The following COL23A1 variants were observed in gnomAD, a reference collection of about 807,000 sequenced individuals.
COL23A1 encodes the protein collagen type XXIII alpha 1 chain, also known as collagen alpha-1(XXIII) chain.
COL23A1 carries 97 observed loss-of-function variants against 99.3 expected under a neutral mutation model. That is an observed-to-expected ratio of 0.98 (90% CI 0.83 to 1.16). The LOEUF (loss-of-function observed/expected upper bound fraction) is 1.16. COL23A1 is among the 50% of genes most tolerant of loss of function. The pLI, the probability that COL23A1 is intolerant of heterozygous loss-of-function variation, is 0.00. For missense variants in COL23A1, 762 were observed against 757.4 expected, an observed-to-expected ratio of 1.01 and a Z score of -0.07; for synonymous variants, 320 against 308.2, an observed-to-expected ratio of 1.04 and a Z score of -0.40.
chr5:178,558,607 C>T (rs1762400259), intron 2 of COL23A1, among the ~76,000 whole-genome samples: 2 of 152,080 alleles, frequency 1.3e-5, no homozygotes, highest in South Asian at 2.1e-4. Context: ...ACCCACTAAA[C>T]GGATTTGGTG....
rs200514215 is a variant in COL23A1 at position 178,256,915 on chromosome 5, C to A, written c.788G>T (p.Ser263Ile). 244 of 1,613,596 alleles carry A rather than the reference C, an allele frequency of 1.5e-4. No individual in the cohort carries two copies. Among genetic ancestry groups the A allele is most frequent in the Non-Finnish European group, 2.0e-4 (236 of 1,179,860 alleles). ...ACCGTTCTCTCCCCGAGGCCCCATG[C>A]TCCCTGGCTCGCCCTGAAACAGACA... ...GPPGPKGEPGSMGPRGENGVD... is the reference protein window; with the variant it reads ...GPPGPKGEPGIMGPRGENGVD... The change falls in exon 14 of 29, where the codon AGC (serine) becomes ATC (isoleucine). Residue 263 changes from serine (S) to isoleucine (I), a missense_variant. By Grantham distance (142) the Ser-to-Ile change is moderately radical. Coordinates refer to ENST00000390654, the MANE Select transcript of COL23A1 (RefSeq NM_173465.4).
intron 2 of COL23A1, among the ~76,000 whole-genome samples, chr5:178,558,865 T>C (rs969251733): frequency 1.3e-5 from 2 of 151,946 alleles, no homozygotes; most frequent in South Asian, 2.1e-4. Context: ...CTCGGCTCAC[T>C]GCAACCTCCA....
rs558411547 is a variant in COL23A1 at position 178,511,991 on chromosome 5, C to T, written c.361+48691G>A. Among the ~76,000 whole-genome samples the T allele has an allele frequency of 9.2e-5, 14 of 152,292 alleles. 1 individual carries two copies. The South Asian group carries it at 2.9e-3, about 32-fold the overall frequency. ...ATTTCGTAACTATCTTTTTGGACGG[C>T]CATTTGGAAATACTAAGTGTAACTG... On this transcript the variant is annotated intron_variant, in intron 2 of 28. Transcript: ENST00000390654.
At chr5:178,529,031 G>A (rs1242950738) in intron 2 of COL23A1, among the ~76,000 whole-genome samples, 2 of 152,210 alleles carry the variant, frequency 1.3e-5, no homozygotes, top group Non-Finnish European at 2.9e-5. Flanking sequence ...CTATGGCCTC[G>A]CAGGGCTGGG....
rs908681467 is a variant in COL23A1 at position 178,310,530 on chromosome 5, G to C, written c.362-3611C>G. 6.6e-6 allele frequency among the ~76,000 whole-genome samples: 1 copy of C among 152,210 alleles called. No homozygotes were observed. Among genetic ancestry groups the C allele is most frequent in the Non-Finnish European group, 1.5e-5 (1 of 68,040 alleles). ...ACTCTGGGGCTAAGCCAGGTGAAGG[G>C]GCCCACCTAAGGCTGTGTTGCTAGA... On this transcript the variant is annotated intron_variant, in intron 2 of 28. Transcript: ENST00000390654. The surrounding 1 kb of genome is among the most constrained non-coding windows in gnomAD (Gnocchi z 4.3).
chr5:178,427,054 G>A (rs1468044955), intron 2 of COL23A1, among the ~76,000 whole-genome samples: 1 of 152,180 alleles, frequency 6.6e-6, no homozygotes, highest in African/African-American at 2.4e-5. Flanking sequence ...AAAAAAATTA[G>A]CCAGGCATGG....
At chr5:178,503,628 G>A (rs542766955) in intron 2 of COL23A1, among the ~76,000 whole-genome samples, 129 of 152,218 alleles carry the variant, frequency 8.5e-4, no homozygotes, top group Non-Finnish European at 1.6e-3. Context: ...GTATGTAAAC[G>A]CATGTGTGTG....
chr5:178,406,849 T>A (rs1316377060), intron 2 of COL23A1, among the ~76,000 whole-genome samples: 1 of 152,224 alleles, frequency 6.6e-6, no homozygotes, highest in African/African-American at 2.4e-5. Flanking sequence ...AGATTAAGAA[T>A]TTAAAATGTT....
intron 2 of COL23A1, among the ~76,000 whole-genome samples, chr5:178,546,707 C>A (rs913954798): frequency 2.6e-5 from 4 of 152,202 alleles, no homozygotes; most frequent in Admixed American, 6.5e-5. Context: ...AGGTTTCTGC[C>A]ACAGCCAGTC....
chr5:178,319,217 C>A (rs1759148378), intron 2 of COL23A1, among the ~76,000 whole-genome samples: 1 of 152,184 alleles, frequency 6.6e-6, no homozygotes, highest in African/African-American at 2.4e-5. Context: ...AGCCTGTCAT[C>A]TCCTGGGATC....
chr5:178,289,604 C>G (rs1309821580), intron 4 of COL23A1, among the ~76,000 whole-genome samples: 1 of 152,214 alleles, frequency 6.6e-6, no homozygotes, highest in Non-Finnish European at 1.5e-5. Context: ...GTCTAGTGGT[C>G]AAGCCCGACT....
chr5:178,545,331 C>T (rs118035878), intron 2 of COL23A1, among the ~76,000 whole-genome samples: 1 of 152,112 alleles, frequency 6.6e-6, no homozygotes, highest in South Asian at 2.1e-4. Context: ...AGGTTCCGCA[C>T]GAGGCTACTT....
At chr5:178,465,970 T>C (rs1251180563) in intron 2 of COL23A1, among the ~76,000 whole-genome samples, 1 of 152,010 alleles carries the variant, frequency 6.6e-6, no homozygotes, top group Non-Finnish European at 1.5e-5. Flanking sequence ...AGCCTCGGGG[T>C]GAGTGCACCT....
At chr5:178,258,742 T>C (rs748742374) in intron 12 of COL23A1, among the ~76,000 whole-genome samples, 28 of 152,030 alleles carry the variant, frequency 1.8e-4, no homozygotes, top group Admixed American at 7.9e-4. Context: ...TTATCCAGGC[T>C]GGAGTGCAGT....
chr5:178,357,330 CG>C (rs1374528119), intron 2 of COL23A1, among the ~76,000 whole-genome samples: 1 of 152,066 alleles, frequency 6.6e-6, no homozygotes, highest in Non-Finnish European at 1.5e-5. Flanking sequence ...TTCTGTGAGC[CG>C]GCGGAAGTGC....
At chr5:178,411,396 C>G (rs1053347841) in intron 2 of COL23A1, among the ~76,000 whole-genome samples, 1 of 151,964 alleles carries the variant, frequency 6.6e-6, no homozygotes, top group East Asian at 1.9e-4. Flanking sequence ...AACCCAAATG[C>G]CCATCAAAAG....
chr5:178,295,788 A>T (rs1469394530), intron 3 of COL23A1, among the ~76,000 whole-genome samples: 1 of 152,258 alleles, frequency 6.6e-6, no homozygotes, highest in Non-Finnish European at 1.5e-5. Flanking sequence ...CAGCCATGAA[A>T]AAGGTAATGT....
rs78371180 is a variant in COL23A1 at position 178,511,898 on chromosome 5, A to T, written c.361+48784T>A. 1.6e-3 allele frequency among the ~76,000 whole-genome samples: 246 copies of T among 152,296 alleles called. No homozygotes were observed. The East Asian group carries it at 0.029, about 18-fold the overall frequency. On this transcript the variant is annotated intron_variant, in intron 2 of 28. Coordinates refer to ENST00000390654, the MANE Select transcript of COL23A1 (RefSeq NM_173465.4). The stretch of plus-strand genomic sequence containing the variant: ...CACCTACCAATTTGGCAAAAAAAAA[A>T]TTTTAATTGGTACCACTCATTGCCA...
intron 2 of COL23A1, among the ~76,000 whole-genome samples, chr5:178,349,634 C>CA (rs1761201701): frequency 6.6e-6 from 1 of 151,432 alleles, no homozygotes; most frequent in African/African-American, 2.4e-5. Context: ...GGAGGCTTTC[C>CA]TTTTTTTTTG....
Sources: gnomAD v4.1 joint callset for allele counts (sites outside exome capture counted in the v4.1 genomes callset) on GRCh38, gnomAD v4.1.1 for gene constraint, Gnocchi (gnomAD v3.1) non-coding constraint, MANE v1.5 for transcripts, NCBI Gene and HGNC (gene_info 2026-07-23, HGNC 2026-07-21) for gene names.